The following ABCC5 variants were observed in gnomAD, a reference collection of about 807,000 sequenced individuals.
The protein encoded by ABCC5 is ATP binding cassette subfamily C member 5, also known as ATP-binding cassette sub-family C member 5.
ABCC5 carries 61 observed loss-of-function variants against 160.9 expected under a neutral mutation model. The ratio of observed to expected loss-of-function variants is 0.38; its 90% CI spans 0.31 to 0.47. The LOEUF (loss-of-function observed/expected upper bound fraction) is 0.47, where lower values mean the gene tolerates loss of function less well. Ranked by LOEUF, ABCC5 falls within the 20% of genes least tolerant of loss-of-function variation. The pLI, the probability that ABCC5 is intolerant of heterozygous loss-of-function variation, is 0.99. For missense variants in ABCC5, 1,308 were observed against 1,813.3 expected (o/e 0.72, Z 5.06); for synonymous variants, 666 against 700.6 (o/e 0.95, Z 0.78).
chr3:183,955,548 A>C (rs2108803149), intron 17 of ABCC5, among the ~76,000 whole-genome samples: 1 of 152,386 alleles, frequency 6.6e-6, no homozygotes, highest in East Asian at 1.9e-4. Context: ...TTGCAAGAGA[A>C]ACAGCTATAC....
intron 2 of ABCC5, among the ~76,000 whole-genome samples, chr3:184,009,329 T>C (rs190449757): frequency 2.0e-5 from 3 of 152,354 alleles, no homozygotes; most frequent in African/African-American, 7.2e-5. Context: ...CCTGGCATCC[T>C]GGGAGATCCT....
intron 15 of ABCC5, among the ~76,000 whole-genome samples, chr3:183,961,986 A>G (rs1716789088): frequency 6.6e-6 from 1 of 152,134 alleles, no homozygotes; most frequent in African/African-American, 2.4e-5. Context: ...TTTGCCGTAC[A>G]GGTAATCCGC....
intron 10 of ABCC5, among the ~76,000 whole-genome samples, chr3:183,973,641 T>C (rs1717964026): frequency 6.6e-6 from 1 of 152,150 alleles, no homozygotes; most frequent in Non-Finnish European, 1.5e-5. Context: ...CTCCCATTCA[T>C]CCCTGATCCT....
intron 5 of ABCC5, chr3:183,985,233 A>G (rs1402282652): frequency 1.5e-6 from 2 of 1,327,636 alleles, no homozygotes; most frequent in Non-Finnish European, 2.1e-6. Context: ...ACAAACTGGA[A>G]GAAAACTTGA....
At chr3:183,922,339 TC>T (rs1411976685) in intron 29 of ABCC5, among the ~76,000 whole-genome samples, 1 of 151,226 alleles carries the variant, frequency 6.6e-6, no homozygotes, top group Non-Finnish European at 1.5e-5. Context: ...GCTATTGCAC[TC>T]CCAGCCTGGG....
intron 15 of ABCC5, 94 bp from the exon 16 acceptor site, chr3:183,961,748 G>C: frequency 7.0e-7 from 1 of 1,436,006 alleles, no homozygotes; most frequent in Middle Eastern, 1.8e-4. Context: ...CAGGAGACGA[G>C]TTAAGCTCCC....
chr3:183,930,866 C>T (rs774337196), intron 26 of ABCC5, among the ~76,000 whole-genome samples: 3 of 152,158 alleles, frequency 2.0e-5, no homozygotes, highest in Non-Finnish European at 4.4e-5. Flanking sequence ...TATGACAGCC[C>T]CAGGAAACAC....
At chr3:183,953,751 A>G (rs2108800714) in intron 17 of ABCC5, among the ~76,000 whole-genome samples, 1 of 152,262 alleles carries the variant, frequency 6.6e-6, no homozygotes, top group East Asian at 1.9e-4. Context: ...GAAAGGAGAG[A>G]GCAGGCAGAG....
intron 2 of ABCC5, among the ~76,000 whole-genome samples, chr3:184,012,347 C>T (rs1721827106): frequency 6.6e-6 from 1 of 152,198 alleles, no homozygotes; most frequent in Middle Eastern, 3.4e-3. Context: ...TCTCTTTACA[C>T]ATCCTATGCC....
chr3:184,000,489 T>C (rs903604786), intron 2 of ABCC5, among the ~76,000 whole-genome samples: 5 of 152,332 alleles, frequency 3.3e-5, no homozygotes, highest in African/African-American at 1.2e-4. Context: ...GGGCCTACTA[T>C]GTGCCAGGCA....
At chr3:183,940,451 C>A (rs1714196370) in intron 25 of ABCC5, among the ~76,000 whole-genome samples, 1 of 118,708 alleles carries the variant, frequency 8.4e-6, no homozygotes, top group Non-Finnish European at 1.6e-5. Flanking sequence ...CAGACTGAGA[C>A]TCTGTCTCAG....
At chr3:183,993,537 G>A (rs1719975192) in intron 2 of ABCC5, among the ~76,000 whole-genome samples, 2 of 149,486 alleles carry the variant, frequency 1.3e-5, no homozygotes, top group African/African-American at 4.9e-5. Flanking sequence ...GCTAAATCCA[G>A]GAATACACAT....
intron 9 of ABCC5, 87 bp downstream of exon 9, chr3:183,978,416 C>A (rs1312001671): frequency 1.6e-4 from 246 of 1,515,040 alleles, no homozygotes; most frequent in Non-Finnish European, 2.2e-4. Context: ...GTAACCTCCA[C>A]CACCTGGGTT....
At chr3:184,002,451 A>C (rs1720825748) in intron 2 of ABCC5, among the ~76,000 whole-genome samples, 1 of 152,164 alleles carries the variant, frequency 6.6e-6, no homozygotes, top group South Asian at 2.1e-4. Context: ...AGCAATTCAG[A>C]TTCTGTCAAG....
At chr3:183,959,888 T>G in intron 16 of ABCC5, 53 bp from the exon 17 acceptor site, 2 of 1,274,348 alleles carry the variant, frequency 1.6e-6, no homozygotes, top group Non-Finnish European at 2.2e-6. Flanking sequence ...TCCAGATGAA[T>G]GTCCACAGGA....
chr3:183,992,656 G>A (rs1395572486), intron 2 of ABCC5, among the ~76,000 whole-genome samples: 1 of 152,142 alleles, frequency 6.6e-6, no homozygotes, highest in East Asian at 1.9e-4. Flanking sequence ...GGGCGCCATG[G>A]CAGGCACCTA....
rs1289102778 is a variant in ABCC5, at chr3:183,949,881, C to T, written c.3099G>A (p.Arg1033=). ...ILFSVLHIVS[R]VLIRELKRLD... Reference sequence around the variant, plus strand: ...GACGCTTCAGCTCCCGAATCAGGACCCTGGAGAGAGAATGAGCTCCGTGTC... The same window carrying T: ...GACGCTTCAGCTCCCGAATCAGGACTCTGGAGAGAGAATGAGCTCCGTGTC... Residue 1033 remains arginine (R), a splice_region_variant and synonymous_variant, in exon 22 of 30, where the codon AGG becomes AGA. Coordinates refer to ENST00000334444, the MANE Select transcript of ABCC5 (RefSeq NM_005688.4). The surrounding 1 kb of genome is among the most constrained non-coding windows in gnomAD (Gnocchi z 4.2). 11 of 1,614,154 alleles carry T rather than the reference C, an allele frequency of 6.8e-6. No homozygotes were observed. The highest frequency in any genetic ancestry group is 9.3e-6 in the Non-Finnish European group (11 of 1,180,024).
intron 9 of ABCC5, 101 bp downstream of exon 9, chr3:183,978,402 C>G (rs1038212576): frequency 1.4e-6 from 2 of 1,417,826 alleles, no homozygotes; most frequent in African/African-American, 2.8e-5. Flanking sequence ...GATCTTGGCT[C>G]ACTGTAACCT....
At position 183,971,715 on chromosome 3, in the gene ABCC5, C is replaced by T. The variant is rs1443387832; in HGVS notation, c.1609G>A (p.Glu537Lys). ...KEKVRQLQRT[E>K]HQAVLAEQKG... ...TGCTCTGCCAGCACCGCCTGATGCTCAGTGCGCTGCAGCTGCCTCACCTTC... is the reference window on the plus strand; with the variant it reads ...TGCTCTGCCAGCACCGCCTGATGCTTAGTGCGCTGCAGCTGCCTCACCTTC... The change falls in exon 11 of 30, where the codon GAG (glutamate) becomes AAG (lysine). Residue 537 changes from glutamate to lysine, a missense_variant. This residue lies in a region of ABCC5 where 1,142 missense variants were observed against 1,527.1 expected (regional missense o/e 0.75). Transcript: ENST00000334444. The T allele has an allele frequency of 6.2e-7, 1 of 1,614,206 alleles. No individual in the cohort carries two copies. Among genetic ancestry groups the T allele is most frequent in the Admixed American group, 1.7e-5 (1 of 60,030 alleles).
Sources: allele counts gnomAD v4.1 joint callset (sites outside exome capture counted in the v4.1 genomes callset), GRCh38; gene constraint gnomAD v4.1.1; regional missense constraint gnomAD v4.1.1; non-coding constraint Gnocchi (gnomAD v3.1); transcripts MANE v1.5; gene names NCBI Gene and HGNC (gene_info 2026-07-23, HGNC 2026-07-21).